The following DMD variants were observed in gnomAD, a reference collection of about 807,000 sequenced individuals.
The protein encoded by DMD is mutant dystrophin.
DMD carries 63 observed loss-of-function variants against 330.1 expected under a neutral mutation model. That is an observed-to-expected ratio of 0.19 (90% CI 0.16 to 0.24). The LOEUF (loss-of-function observed/expected upper bound fraction) is 0.24. DMD is among the 10% of genes least tolerant of loss of function. DMD has a pLI of 1.00. For synonymous variants in DMD, 1,223 were observed against 959.8 expected (o/e 1.27, Z -5.07); for missense variants, 3,344 against 2,684.1 (o/e 1.25, Z -5.43).
rs228406 is a variant in DMD at position 32,485,077 on chromosome X, T to A, written c.2645A>T (p.Asp882Val). ...ICKDEVNRLS[D>V]LQPQIERLKI... ...TAATCGTTCAATTTGAGGTTGAAGA[T>A]CTGATAGCCGGTTGACTTCATCCTG... Residue 882 changes from aspartate to valine, a missense_variant, in exon 21 of 79, where the codon GAT (aspartate) becomes GTT (valine). Coordinates refer to ENST00000357033, the MANE Select transcript of DMD (RefSeq NM_004006.3). The A allele has an allele frequency of 1.7e-6, 2 of 1,207,876 alleles. No homozygotes were observed. Among genetic ancestry groups the A allele is most frequent in the African/African-American group, 3.5e-5 (2 of 56,674 alleles).
At chrX:32,728,816 T>A (rs756357332) in intron 7 of DMD, among the ~76,000 whole-genome samples, 1 of 112,401 alleles carries the variant, frequency 8.9e-6, no homozygotes, top group South Asian at 3.7e-4. Context: ...TGTTTAATTT[T>A]CTTCTTTCCA....
At chrX:31,744,020 T>C (rs1016583253) in intron 51 of DMD, among the ~76,000 whole-genome samples, 4 of 110,820 alleles carry the variant, frequency 3.6e-5, no homozygotes, top group Middle Eastern at 4.6e-3. Context: ...TGTGCCACCA[T>C]GCCCAGTTAA....
chrX:32,354,439 T>C, intron 37 of DMD, among the ~76,000 whole-genome samples: 2 of 111,313 alleles, frequency 1.8e-5, no homozygotes, highest in South Asian at 7.3e-4. Context: ...TGATATGATA[T>C]GAAGAGTTAT....
chrX:31,306,421 T>G (rs1470686161), intron 62 of DMD, among the ~76,000 whole-genome samples: 2 of 111,607 alleles, frequency 1.8e-5, no homozygotes, highest in Non-Finnish European at 3.8e-5. Flanking sequence ...CTCTCATGCC[T>G]AAATTTAATT....
At chrX:31,594,576 G>A (rs948588530) in intron 55 of DMD, among the ~76,000 whole-genome samples, 1 of 111,507 alleles carries the variant, frequency 9.0e-6, no homozygotes, top group African/African-American at 3.3e-5. Context: ...AATTTTGATA[G>A]TTTGGTTACT....
intron 7 of DMD, among the ~76,000 whole-genome samples, chrX:32,731,619 C>G (rs148837776): frequency 0.017 from 1,874 of 112,194 alleles, 44 homozygotes; most frequent in African/African-American, 0.057. Context: ...CCCCCGAGCA[C>G]CCTAACTGGG....
chrX:32,435,297 T>TATATATATATATATATATATATA (rs1557355914), intron 29 of DMD, among the ~76,000 whole-genome samples: 63 of 99,227 alleles, frequency 6.3e-4, no homozygotes, highest in South Asian at 9.5e-4. Flanking sequence ...TATATATATA[T>TATATATATATATATATATATATA]TTACACCCAT....
intron 55 of DMD, among the ~76,000 whole-genome samples, chrX:31,576,975 A>C (rs949456455): frequency 9.0e-6 from 1 of 111,158 alleles, no homozygotes; most frequent in Non-Finnish European, 1.9e-5. Context: ...TCGGCCTCCC[A>C]AAGTGCTGGG....
intron 7 of DMD, among the ~76,000 whole-genome samples, chrX:32,746,413 T>C (rs769906576): frequency 3.2e-4 from 36 of 111,988 alleles, no homozygotes; most frequent in South Asian, 1.9e-3. Flanking sequence ...TAAGAAGCAG[T>C]GGTCTAGGGC....
Position 31,641,856 on chromosome X carries a change from A to T in DMD, c.8028-13994T>A, listed in dbSNP as rs568907732. ...TACAACATATGAATACTCATCTATTATGTATAATATCATTTAAGTGGATTT... is the reference window on the plus strand; with the variant it reads ...TACAACATATGAATACTCATCTATTTTGTATAATATCATTTAAGTGGATTT... On this transcript the variant is annotated intron_variant, in intron 54 of 78. Coordinates refer to ENST00000357033, the MANE Select transcript of DMD (RefSeq NM_004006.3). Among the ~76,000 whole-genome samples, 3 of 111,998 alleles carry T rather than the reference A, an allele frequency of 2.7e-5. No individual in the cohort carries two copies. The South Asian group carries it at 1.1e-3, about 42-fold the overall frequency.
chrX:31,499,889 C>T lies in DMD; in HGVS notation c.8391-2945G>A, dbSNP rs1971237138. Among the ~76,000 whole-genome samples, 5 of 112,219 alleles carry T rather than the reference C, an allele frequency of 4.5e-5. No homozygotes were observed. The South Asian group carries it at 1.9e-3, about 42-fold the overall frequency. ...CAGAGGACAGTCAAGAGAGCTAATA[C>T]AGCAGCAGAAGACGGACCTGGAACC... is the stretch of plus-strand genomic sequence containing the variant. On this transcript the variant is annotated intron_variant, in intron 56 of 78. Coordinates refer to ENST00000357033, the MANE Select transcript of DMD (RefSeq NM_004006.3).
chrX:33,019,996 CATA>C (rs2093882754), intron 2 of DMD, 140 bp downstream of exon 2: 1 of 439,379 alleles, frequency 2.3e-6, no homozygotes. Context: ...TAAGAGTGAA[CATA>C]ATATTTCCAG....
chrX:31,623,034 T>C (rs1483065593), intron 55 of DMD, among the ~76,000 whole-genome samples: 1 of 108,669 alleles, frequency 9.2e-6, no homozygotes, highest in Non-Finnish European at 1.9e-5. Context: ...AAAATACATA[T>C]AAAACTCAAT....
At chrX:31,947,893 G>C (rs868243186) in intron 45 of DMD, among the ~76,000 whole-genome samples, 1 of 109,023 alleles carries the variant, frequency 9.2e-6, no homozygotes, top group Non-Finnish European at 1.9e-5. Context: ...CTTATGGTAG[G>C]AACACTTAAG....
chrX:31,570,840 G>C (rs1391510724), intron 55 of DMD, among the ~76,000 whole-genome samples: 1 of 111,774 alleles, frequency 8.9e-6, no homozygotes, highest in East Asian at 2.8e-4. Context: ...GTGTCACTTT[G>C]AATCACTGGG....
intron 43 of DMD, among the ~76,000 whole-genome samples, chrX:32,261,763 G>A (rs2097324435): frequency 9.0e-6 from 1 of 111,263 alleles, no homozygotes; most frequent in Admixed American, 9.6e-5. Flanking sequence ...GACTGTTTTT[G>A]GAAATTCTTC....
intron 4 of DMD, among the ~76,000 whole-genome samples, chrX:32,836,008 G>C (rs1403768617): frequency 9.2e-6 from 1 of 109,088 alleles, no homozygotes; most frequent in African/African-American, 3.4e-5. Context: ...TTGGTGTGTG[G>C]ACAAACTTAT....
intron 52 of DMD, among the ~76,000 whole-genome samples, chrX:31,713,740 T>C (rs989271720): frequency 9.8e-5 from 11 of 111,805 alleles, no homozygotes; most frequent in East Asian, 2.8e-4. Flanking sequence ...TAATAAACAC[T>C]GTAATGAAAG....
Position 32,443,157 on chromosome X carries a change from C to T in DMD, c.3787-1843G>A, listed in dbSNP as rs1026699393. 7.2e-5 allele frequency among the ~76,000 whole-genome samples: 8 copies of T among 110,608 alleles called. 1 individual carries two copies. Among genetic ancestry groups the T allele is most frequent in the East Asian group, 2.9e-4 (1 of 3,508 alleles). On this transcript the variant is annotated intron_variant, in intron 27 of 78. Coordinates refer to ENST00000357033, the MANE Select transcript of DMD (RefSeq NM_004006.3). ...ATCACCACTTACTACCACCTGCCCCCGCCTCACTACCACCAAAATTAAAGG... is the reference window on the plus strand; with the variant it reads ...ATCACCACTTACTACCACCTGCCCCTGCCTCACTACCACCAAAATTAAAGG...
Sources: gnomAD v4.1 joint callset for allele counts (sites outside exome capture counted in the v4.1 genomes callset) on GRCh38, gnomAD v4.1.1 for gene constraint, MANE v1.5 for transcripts, NCBI Gene and HGNC (gene_info 2026-07-23, HGNC 2026-07-21) for gene names.